LRP1B: variants seen among roughly 807,000 people sequenced by gnomAD.
LRP1B encodes LDL receptor related protein 1B, also known as low-density lipoprotein receptor-related protein 1B.
A neutral mutation model predicts 556.6 loss-of-function variants in LRP1B; 217 were observed. The observed-to-expected ratio is 0.39, with a 90% CI of 0.35 to 0.44. LRP1B has a LOEUF of 0.44. Ranked by LOEUF, LRP1B falls within the 20% of genes least tolerant of loss-of-function variation. The pLI is 1.00. For synonymous variants in LRP1B, 2,047 were observed against 1,865.8 expected, an observed-to-expected ratio of 1.10 and a Z score of -2.50; for missense variants, 5,053 against 5,620.8, an observed-to-expected ratio of 0.90 and a Z score of 3.23.
At chr2:141,692,298 C>T (rs554749998) in intron 2 of LRP1B, among the ~76,000 whole-genome samples, 1 of 152,022 alleles carries the variant, frequency 6.6e-6, no homozygotes. Context: ...TGATCTGGGC[C>T]CTTTTCCATC....
chr2:140,710,355 A>C (rs773302148), intron 37 of LRP1B, among the ~76,000 whole-genome samples: 22 of 152,094 alleles, frequency 1.4e-4, no homozygotes, highest in Non-Finnish European at 2.5e-4. Context: ...GAGATATCAT[A>C]TTTAAGAAAG....
intron 1 of LRP1B, among the ~76,000 whole-genome samples, chr2:141,902,535 G>C (rs986865471): frequency 6.6e-6 from 1 of 151,960 alleles, no homozygotes. Flanking sequence ...GAGAAGAGTA[G>C]AATAGAAGAA....
chr2:140,451,182 TC>T (rs1686870382), intron 62 of LRP1B, among the ~76,000 whole-genome samples: 2 of 152,160 alleles, frequency 1.3e-5, no homozygotes, highest in South Asian at 4.1e-4. Flanking sequence ...GCTCAAGTGA[TC>T]CTCCCACCTA....
In LRP1B at chr2:141,992,928, A is replaced by G. The variant is rs895391306; in HGVS notation, c.82+137720T>C. 2.0e-5 allele frequency among the ~76,000 whole-genome samples: 3 copies of G among 152,186 alleles called. No homozygotes were observed. The East Asian group carries it at 5.8e-4, about 29-fold the overall frequency. On this transcript the variant is annotated intron_variant, in intron 1 of 90. Coordinates refer to ENST00000389484, the MANE Select transcript of LRP1B (RefSeq NM_018557.3). ...AATTTCAGCAAGTACCAACACTGAGATCAAACCGTATGTTTTACTTGACAG... is the reference window on the plus strand; with the variant it reads ...AATTTCAGCAAGTACCAACACTGAGGTCAAACCGTATGTTTTACTTGACAG...
At chr2:140,596,298 GAGT>G (rs2105181704) in intron 43 of LRP1B, among the ~76,000 whole-genome samples, 1 of 152,294 alleles carries the variant, frequency 6.6e-6, no homozygotes, top group South Asian at 2.1e-4. Context: ...ACTATGTAAA[GAGT>G]ATTTCAAAAA....
chr2:141,767,630 A>C (rs1370330796), intron 2 of LRP1B, among the ~76,000 whole-genome samples: 1 of 152,128 alleles, frequency 6.6e-6, no homozygotes, highest in African/African-American at 2.4e-5. Context: ...TAAAATAAAG[A>C]GTTGTATGCT....
chr2:140,642,766 C>A (rs1574181946), intron 41 of LRP1B, among the ~76,000 whole-genome samples: 1 of 152,266 alleles, frequency 6.6e-6, no homozygotes, highest in East Asian at 1.9e-4. Context: ...ATGGCGTGAA[C>A]CCGGGAGGCG....
intron 66 of LRP1B, among the ~76,000 whole-genome samples, chr2:140,423,662 A>T (rs1307769577): frequency 6.6e-6 from 1 of 152,170 alleles, no homozygotes; most frequent in Non-Finnish European, 1.5e-5. Context: ...CAATGCAGGC[A>T]TCATTTTTAA....
chr2:141,224,946 C>T (rs1357025553), intron 6 of LRP1B, among the ~76,000 whole-genome samples: 1 of 151,836 alleles, frequency 6.6e-6, no homozygotes, highest in Admixed American at 6.6e-5. Flanking sequence ...CAAACCTGCA[C>T]ATCCTGCACA....
At chr2:141,798,309 G>A (rs1040763504) in intron 2 of LRP1B, among the ~76,000 whole-genome samples, 4 of 152,136 alleles carry the variant, frequency 2.6e-5, no homozygotes, top group Non-Finnish European at 4.4e-5. Context: ...TGATTTTTCT[G>A]TCAGCTTAAA....
chr2:140,943,576 A>G (rs1323589472), intron 20 of LRP1B, among the ~76,000 whole-genome samples: 1 of 152,124 alleles, frequency 6.6e-6, no homozygotes, highest in African/African-American at 2.4e-5. Context: ...ATCTTCTAAA[A>G]CTATAGTGAA....
Position 141,210,312 on chromosome 2 carries a change from A to T in LRP1B, c.850+18871T>A, listed in dbSNP as rs1361205445. On this transcript the variant is annotated intron_variant, in intron 6 of 90. Transcript: ENST00000389484. ...TAGGAAAGTCCAAAATAAAAATTTT[A>T]AAATGACAATAATTATACTTAAAGA... 3.3e-5 allele frequency among the ~76,000 whole-genome samples: 5 copies of T among 152,278 alleles called. No individual in the cohort carries two copies. The South Asian group carries it at 8.3e-4, about 25-fold the overall frequency.
chr2:140,977,183 C>T (rs1366128464), intron 18 of LRP1B, among the ~76,000 whole-genome samples: 1 of 152,068 alleles, frequency 6.6e-6, no homozygotes, highest in Non-Finnish European at 1.5e-5. Context: ...GTAATTGAAA[C>T]ATGGGGGCAG....
intron 71 of LRP1B, among the ~76,000 whole-genome samples, chr2:140,368,331 A>G (rs1682853272): frequency 6.6e-6 from 1 of 151,864 alleles, no homozygotes. Context: ...AATCTGGTCA[A>G]GTGCATCATC....
rs143188529 is a variant in LRP1B at position 142,104,978 on chromosome 2, T to C, written c.82+25670A>G. Among the ~76,000 whole-genome samples the C allele has an allele frequency of 2.3e-3, 352 of 152,236 alleles. 1 individual carries two copies. Among genetic ancestry groups the C allele is most frequent in the African/African-American group, 8.0e-3 (334 of 41,538 alleles). ...CTACACATCAGATATAGAAATGAAA[T>C]ATACTCACTACCCTCAAGGAGTTCA... On this transcript the variant is annotated intron_variant, in intron 1 of 90. Transcript: ENST00000389484.
chr2:141,640,855 C>A (rs2105364007), intron 2 of LRP1B, among the ~76,000 whole-genome samples: 1 of 151,972 alleles, frequency 6.6e-6, no homozygotes, highest in South Asian at 2.1e-4. Flanking sequence ...TCTATTGGTT[C>A]TTCCCCAATA....
chr2:140,930,568 C>A (rs1695019695), intron 20 of LRP1B, among the ~76,000 whole-genome samples: 1 of 151,942 alleles, frequency 6.6e-6, no homozygotes. Flanking sequence ...GTTAAAGCCC[C>A]CTTAGAAAAC....
chr2:142,065,695 A>G (rs1705084858), intron 1 of LRP1B, among the ~76,000 whole-genome samples: 1 of 151,362 alleles, frequency 6.6e-6, no homozygotes, highest in Non-Finnish European at 1.5e-5. Context: ...TGCCTACTAC[A>G]TGTTACTCGT....
At chr2:140,333,007 G>A (rs776731357) in intron 79 of LRP1B, among the ~76,000 whole-genome samples, 91 of 152,130 alleles carry the variant, frequency 6.0e-4, no homozygotes, top group Non-Finnish European at 6.2e-4. Context: ...TCTCTTCAAA[G>A]CTAGAATAGA....
Sources: allele counts gnomAD v4.1 joint callset (sites outside exome capture counted in the v4.1 genomes callset), GRCh38; gene constraint gnomAD v4.1.1; transcripts MANE v1.5; gene names NCBI Gene and HGNC (gene_info 2026-07-23, HGNC 2026-07-21).